SYCE2: variants seen among roughly 807,000 people sequenced by gnomAD.
The protein encoded by SYCE2 is synaptonemal complex central element protein 2.
Under a neutral mutation model 27.9 loss-of-function variants are expected in SYCE2, and 3 were observed. The ratio of observed to expected loss-of-function variants is 0.11; its 90% CI spans 0.05 to 0.28. SYCE2 has a LOEUF of 0.28. Ranked by LOEUF, SYCE2 falls within the 10% of genes least tolerant of loss-of-function variation. The pLI is 1.00. For missense variants in SYCE2, 207 were observed against 263.5 expected (o/e 0.79, Z 1.48); for synonymous variants, 85 against 100.7 (o/e 0.84, Z 0.93).
At chr19:12,918,430 G>T in intron 1 of SYCE2, 93 bp from the exon 2 acceptor site, 1 of 1,188,410 alleles carries the variant, frequency 8.4e-7, no homozygotes. Context: ...TCACCTCGAT[G>T]TGCTGCTGCG....
At chr19:12,905,458 A>T (rs1008024082) in intron 2 of SYCE2, among the ~76,000 whole-genome samples, 2 of 150,166 alleles carry the variant, frequency 1.3e-5, no homozygotes, top group African/African-American at 2.5e-5. Flanking sequence ...CAGCCTCCTG[A>T]GTAGCTGGGA....
intron 2 of SYCE2, among the ~76,000 whole-genome samples, chr19:12,908,856 G>C (rs867852924): frequency 1.3e-5 from 2 of 152,148 alleles, no homozygotes; most frequent in African/African-American, 4.8e-5. Context: ...GGCCTCTGCT[G>C]TCTTCTTGCC....
chr19:12,907,273 T>A (rs2145971248), intron 2 of SYCE2, among the ~76,000 whole-genome samples: 1 of 152,338 alleles, frequency 6.6e-6, no homozygotes, highest in African/African-American at 2.4e-5. Context: ...GAGGACAGTC[T>A]GTGGCAGAGC....
At chr19:12,899,885 T>C in intron 5 of SYCE2, 119 bp downstream of exon 5, 3 of 1,016,800 alleles carry the variant, frequency 3.0e-6, no homozygotes, top group East Asian at 3.8e-5. Flanking sequence ...CAGTGCGCCC[T>C]CCCTCCCTCC....
intron 2 of SYCE2, among the ~76,000 whole-genome samples, chr19:12,908,682 C>T (rs1206477500): frequency 1.3e-5 from 2 of 152,050 alleles, no homozygotes; most frequent in East Asian, 1.9e-4. Context: ...TCAGGTTCCT[C>T]CCCCGGTTCT....
chr19:12,903,780 T>A (rs1970886939), intron 3 of SYCE2, among the ~76,000 whole-genome samples: 1 of 152,034 alleles, frequency 6.6e-6, no homozygotes, highest in Non-Finnish European at 1.5e-5. Context: ...TTATTTTTAG[T>A]AGAGACGTGG....
chr19:12,900,672 T>G (rs1568432419), intron 3 of SYCE2, 24 bp from the exon 4 acceptor site: 1 of 1,597,744 alleles, frequency 6.3e-7, no homozygotes, highest in Non-Finnish European at 8.6e-7. Context: ...AGATGTGTTC[T>G]CGGAAAATCA....
At chr19:12,915,650 C>G (rs1289394673) in intron 2 of SYCE2, among the ~76,000 whole-genome samples, 1 of 151,056 alleles carries the variant, frequency 6.6e-6, no homozygotes, top group East Asian at 1.9e-4. Context: ...AATTATATCT[C>G]AAAGCTGTTA....
At chr19:12,909,430 G>A (rs2145974300) in intron 2 of SYCE2, among the ~76,000 whole-genome samples, 1 of 152,224 alleles carries the variant, frequency 6.6e-6, no homozygotes, top group Non-Finnish European at 1.5e-5. Flanking sequence ...CATTCCCTTA[G>A]TTAATGACAT....
chr19:12,915,617 AAAG>A (rs1179018342), intron 2 of SYCE2, among the ~76,000 whole-genome samples: 1 of 151,734 alleles, frequency 6.6e-6, no homozygotes, highest in Non-Finnish European at 1.5e-5. Flanking sequence ...AAAAAAAAAA[AAAG>A]GTGAACCGTA....
At chr19:12,899,557 G>C in intron 5 of SYCE2, 172 bp from the exon 6 acceptor site, 1 of 1,614,104 alleles carries the variant, frequency 6.2e-7, no homozygotes, top group Non-Finnish European at 8.5e-7. Flanking sequence ...TCCATCAGGG[G>C]CCCGAAACTC....
intron 3 of SYCE2, among the ~76,000 whole-genome samples, chr19:12,902,238 G>A (rs1030174136): frequency 1.3e-5 from 2 of 152,096 alleles, no homozygotes; most frequent in Non-Finnish European, 2.9e-5. Context: ...GATGATGACA[G>A]TGTCACCTAG....
At chr19:12,919,123 C>A in intron 1 of SYCE2, 120 bp downstream of exon 1, 1 of 1,322,774 alleles carries the variant, frequency 7.6e-7, no homozygotes. Context: ...TGAGAGGGAG[C>A]CCCAATGGCA....
intron 2 of SYCE2, among the ~76,000 whole-genome samples, chr19:12,913,612 T>C (rs936637765): frequency 3.3e-5 from 5 of 152,166 alleles, no homozygotes; most frequent in African/African-American, 1.2e-4. Context: ...TCTGGAAACG[T>C]GTTAACATTT....
rs375724605 is a variant in SYCE2 at position 12,900,034 on chromosome 19, G to T, written c.582C>A (p.Phe194Leu). 1.9e-6 allele frequency: 3 copies of T among 1,613,666 alleles called. No homozygotes were observed. The highest frequency in any genetic ancestry group is 4.5e-5 in the East Asian group (2 of 44,884). The change falls in exon 5 of 6, where the codon TTC (phenylalanine) becomes TTA (leucine). Residue 194 changes from phenylalanine to leucine, a missense_variant. Physicochemically the swap from Phe to Leu is conservative, Grantham distance 22. Coordinates refer to ENST00000293695, the MANE Select transcript of SYCE2 (RefSeq NM_001105578.2). ...AAGTAGTTTCAGCCACAGAAGAAAC[G>T]AACACGTCTGGGGGCTGTGAGTTGC... ...RPGNSQPPDV[F>L]VSSVAETTSQ...
chr19:12,911,338 C>T (rs1156684304), intron 2 of SYCE2, among the ~76,000 whole-genome samples: 3 of 152,196 alleles, frequency 2.0e-5, no homozygotes, highest in Non-Finnish European at 4.4e-5. Context: ...CCATCCCCAC[C>T]AGCCACAAGA....
At chr19:12,899,895 C>T (rs756962661) in intron 5 of SYCE2, 109 bp downstream of exon 5, 1 of 1,601,894 alleles carries the variant, frequency 6.2e-7, no homozygotes, top group Non-Finnish European at 8.5e-7. Flanking sequence ...TCCCTCCCTC[C>T]CATCTGGGGG....
Position 12,905,773 on chromosome 19 carries a change from G to A in SYCE2, c.132-1107C>T, listed in dbSNP as rs115127958. Among the ~76,000 whole-genome samples, 331 of 152,254 alleles carry A rather than the reference G, an allele frequency of 2.2e-3. 1 individual carries two copies. Among genetic ancestry groups the A allele is most frequent in the African/African-American group, 7.7e-3 (318 of 41,546 alleles). On this transcript the variant is annotated intron_variant, in intron 2 of 5. Coordinates refer to ENST00000293695, the MANE Select transcript of SYCE2 (RefSeq NM_001105578.2). ...CCACCTCAGCCTCCTGAATAGGTGG[G>A]ACTACAAGCATGTGCTACCATGCAC...
chr19:12,901,641 G>C (rs566697938), intron 3 of SYCE2, among the ~76,000 whole-genome samples: 3 of 152,148 alleles, frequency 2.0e-5, no homozygotes, highest in African/African-American at 7.2e-5. Flanking sequence ...TTGCGGCGGA[G>C]TTTCGCTCTC....
Sources: gnomAD v4.1 joint callset for allele counts (sites outside exome capture counted in the v4.1 genomes callset) on GRCh38, gnomAD v4.1.1 for gene constraint, MANE v1.5 for transcripts, NCBI Gene and HGNC (gene_info 2026-07-23, HGNC 2026-07-21) for gene names.